The following OR13C3 variants were observed in gnomAD, a reference collection of about 807,000 sequenced individuals.
OR13C3 encodes the protein olfactory receptor family 13 subfamily C member 3.
In OR13C3, 19 loss-of-function variants were observed where a neutral mutation model predicts 14.4. The observed-to-expected ratio is 1.31, with a 90% CI of 0.92 to 1.93. The LOEUF is 1.93. Ranked by LOEUF, OR13C3 falls within the 30% of genes most tolerant of loss-of-function variation. The probability of loss-of-function intolerance (pLI) is 0.00; values close to 1 mark genes in which losing one functional copy is unlikely to be tolerated. For missense variants in OR13C3, 394 were observed against 381.4 expected (o/e 1.03, Z -0.27); for synonymous variants, 140 against 142.5 (o/e 0.98, Z 0.12).
chr9:104,536,289 AGCCATCAATACATACGCCACCTT>A lies in OR13C3; in HGVS notation c.412_434del (p.Lys138PhefsTer27). 1 of 1,614,160 alleles carries A rather than the reference AGCCATCAATACATACGCCACCTT, an allele frequency of 6.2e-7. No individual in the cohort carries two copies. Among genetic ancestry groups the A allele is most frequent in the African/African-American group, 1.3e-5 (1 of 75,040 alleles). On this transcript the variant is annotated frameshift_variant, in exon 1 of 1. Transcript: ENST00000641090. LOFTEE classifies it high-confidence loss of function. ...TTCCACCGGACAGCCAGGACACAGAAGCCATCAATACATACGCCACCTTGCTCAGGATGATGGGGTATCTCAGT... is the reference window on the plus strand; with the variant it reads ...TTCCACCGGACAGCCAGGACACAGAAGCTCAGGATGATGGGGTATCTCAGT...
chr9:104,535,793 G>T, exon 1 of OR13C3: 1 of 1,610,002 alleles, frequency 6.2e-7, no homozygotes, highest in South Asian at 1.1e-5. Context: ...TTTTTGTTCA[G>T]CAAATATTTT....
rs201186464 is a variant in OR13C3 at position 104,535,927 on chromosome 9, T to C, written c.797A>G (p.Asp266Gly). Residue 266 changes from aspartate (D) to glycine (G), a missense_variant, in exon 1 of 1, where the codon GAC becomes GGC. By Grantham distance (94) the Asp-to-Gly change is moderately conservative. Coordinates refer to ENST00000641090, the Ensembl canonical transcript of OR13C3. ...TTGCAATTTTTCTTCCCCAATCAGG[T>C]CTTGAGACTTCGGTTTCGCATACAT... 2.0e-5 allele frequency: 32 copies of C among 1,614,080 alleles called. No individual in the cohort carries two copies. The East Asian group carries it at 6.7e-4, about 34-fold the overall frequency.
chr9:104,536,360 G>A (rs375714407), exon 1 of OR13C3: 29 of 1,614,038 alleles, frequency 1.8e-5, no homozygotes, highest in African/African-American at 6.7e-5. Context: ...GCCACATAAC[G>A]ATCAAATGCC....
chr9:104,536,341 T>C (rs1197854616), exon 1 of OR13C3: 1 of 1,614,156 alleles, frequency 6.2e-7, no homozygotes, highest in East Asian at 2.2e-5. Context: ...TCTCAGTGGG[T>C]TGCAGATGGC....
At chr9:104,536,089 A>G (rs1828813036) in exon 1 of OR13C3, 1 of 1,613,896 alleles carries the variant, frequency 6.2e-7, no homozygotes. Context: ...AAAAATGACC[A>G]TCAGTGGAAG....
rs763628598 is a variant in OR13C3 at position 104,536,632 on chromosome 9, A to G, written c.92T>C (p.Ile31Thr). Reference sequence around the variant, plus strand: ...TAGAATCACTAGGTACATAACTAGAATGAGAGCAAAGTAAACAATCTCAAT... The same window carrying G: ...TAGAATCACTAGGTACATAACTAGAGTGAGAGCAAAGTAAACAATCTCAAT... Residue 31 changes from isoleucine to threonine, a missense_variant, in exon 1 of 1, where the codon ATT (isoleucine) becomes ACT (threonine). By Grantham distance (89) the Ile-to-Thr change is moderately conservative. Coordinates refer to ENST00000641090, the Ensembl canonical transcript of OR13C3. The G allele has an allele frequency of 3.1e-6, 5 of 1,614,154 alleles. No individual in the cohort carries two copies. In the South Asian group the frequency reaches 4.4e-5, roughly 14 times the overall value.
chr9:104,536,232 C>T (rs954258872), exon 1 of OR13C3: 1 of 1,614,124 alleles, frequency 6.2e-7, no homozygotes, highest in Non-Finnish European at 8.5e-7. Context: ...AAGGCAGTCT[C>T]ATGGCAAGTA....
At chr9:104,536,001 G>A (rs1013498134) in exon 1 of OR13C3, 2 of 1,613,904 alleles carry the variant, frequency 1.2e-6, no homozygotes, top group African/African-American at 1.3e-5. Context: ...GGTGAGCTGA[G>A]CACGTGGAAA....
chr9:104,536,385 C>T, exon 1 of OR13C3: 1 of 1,614,144 alleles, frequency 6.2e-7, no homozygotes, highest in Non-Finnish European at 8.5e-7. Flanking sequence ...TGCCAAGAAG[C>T]AGACATTCTG....
At chr9:104,536,030 T>C (rs1828811983) in exon 1 of OR13C3, 1 of 1,613,998 alleles carries the variant, frequency 6.2e-7, no homozygotes, top group African/African-American at 1.3e-5. Context: ...CGTCTTCCTG[T>C]GGCTGAATTC....
In OR13C3 at chr9:104,536,727, A is replaced by G. The variant is rs764925988; in HGVS notation, c.-4T>C. On this transcript the variant is annotated 5_prime_UTR_variant, in exon 1 of 1. It removes an upstream start codon present in the reference 5' UTR. Transcript: ENST00000641090. ...GTGTCTGGTTAATCTCACCCATGTCATCTGCTTTCAGGAAATCAAAAGAAG... is the reference window on the plus strand; with the variant it reads ...GTGTCTGGTTAATCTCACCCATGTCGTCTGCTTTCAGGAAATCAAAAGAAG... The G allele has an allele frequency of 7.4e-6, 12 of 1,613,924 alleles. No homozygotes were observed. The highest frequency in any genetic ancestry group is 9.3e-6 in the Non-Finnish European group (11 of 1,179,838).
exon 1 of OR13C3, chr9:104,536,647 A>G: frequency 6.2e-7 from 1 of 1,614,130 alleles, no homozygotes; most frequent in Non-Finnish European, 8.5e-7. Context: ...AGCAAAGTAA[A>G]CAATCTCAAT....
chr9:104,536,159 A>T (rs1412676907), exon 1 of OR13C3: 1 of 1,614,106 alleles, frequency 6.2e-7, no homozygotes, highest in African/African-American at 1.3e-5. Flanking sequence ...ATATCAGCAC[A>T]GGCCAGCTTG....
At chr9:104,536,618 G>A (rs768125509) in exon 1 of OR13C3, 3 of 1,613,962 alleles carry the variant, frequency 1.9e-6, no homozygotes, top group Non-Finnish European at 1.7e-6. Flanking sequence ...AGAATCACTA[G>A]GTACATAACT....
In OR13C3 at chr9:104,535,762, T is replaced by C. The variant is rs766424427; in HGVS notation, c.*8A>G. 1.0e-5 allele frequency: 16 copies of C among 1,569,736 alleles called. No individual in the cohort carries two copies. The South Asian group carries it at 1.8e-4, about 18-fold the overall frequency. ...CTGTTAAACAAAGACCTACATGTCC[T>C]GGTTTCATTAGTGAATTGGTTTTTT... On this transcript the variant is annotated 3_prime_UTR_variant, in exon 1 of 1. Coordinates refer to ENST00000641090, the Ensembl canonical transcript of OR13C3.
rs138480673 is a variant in OR13C3 at position 104,536,169 on chromosome 9, G to C, written c.555C>G (p.Leu185=). Reference sequence around the variant, plus strand: ...GGGATATATCAGCACAGGCCAGCTTGAGGACAGCTAATATTTCACATGCGA... The same window carrying C: ...GGGATATATCAGCACAGGCCAGCTTCAGGACAGCTAATATTTCACATGCGA... Residue 185 remains leucine, a synonymous_variant, in exon 1 of 1, where the codon CTC becomes CTG. Transcript: ENST00000641090. 3.4e-4 allele frequency: 551 copies of C among 1,614,092 alleles called. 1 individual carries two copies. In the African/African-American group the frequency reaches 5.8e-3, roughly 17 times the overall value.
exon 1 of OR13C3, chr9:104,536,692 T>G: frequency 6.2e-7 from 1 of 1,614,080 alleles, no homozygotes; most frequent in South Asian, 1.1e-5. Context: ...AAGAAGAAAT[T>G]CTGACACAAG....
At position 104,536,304 on chromosome 9, in the gene OR13C3, C is replaced by G. The variant is rs200973865; in HGVS notation, c.420G>C (p.Ala140=). The stretch of plus-strand genomic sequence containing the variant: ...AGGACACAGAAGCCATCAATACATA[C>G]GCCACCTTGCTCAGGATGATGGGGT... Residue 140 remains alanine, a synonymous_variant, in exon 1 of 1, where the codon GCG becomes GCC. Transcript: ENST00000641090. 5 of 1,613,966 alleles carry G rather than the reference C, an allele frequency of 3.1e-6. No homozygotes were observed. The East Asian group carries it at 8.9e-5, about 29-fold the overall frequency.
chr9:104,536,724 G>C, exon 1 of OR13C3: 1 of 1,613,718 alleles, frequency 6.2e-7, no homozygotes, highest in South Asian at 1.1e-5. Context: ...TCTCACCCAT[G>C]TCATCTGCTT....
Sources: allele counts gnomAD v4.1 joint callset, GRCh38; gene constraint gnomAD v4.1.1; transcripts MANE v1.5; gene names NCBI Gene and HGNC (gene_info 2026-07-23, HGNC 2026-07-21).